Variants in PCDHA5 observed in about 807,000 individuals in gnomAD.
PCDHA5 encodes protocadherin alpha-5.
Under a neutral mutation model 61.6 loss-of-function variants are expected in PCDHA5, and 43 were observed. The ratio of observed to expected loss-of-function variants is 0.70; its 90% confidence interval spans 0.55 to 0.90. The LOEUF (loss-of-function observed/expected upper bound fraction) is 0.90, where lower values mean the gene tolerates loss of function less well. Ranked by LOEUF, PCDHA5 falls within the 40% of genes least tolerant of loss-of-function variation. The pLI is 0.00. For synonymous variants in PCDHA5, 627 were observed against 543.9 expected, an observed-to-expected ratio of 1.15 and a Z score of -2.13; for missense variants, 1,298 against 1,222.7, an observed-to-expected ratio of 1.06 and a Z score of -0.92.
intron 1 of PCDHA5, among the ~76,000 whole-genome samples, chr5:140,898,137 G>C (rs1554187832): frequency 6.6e-6 from 1 of 152,098 alleles, no homozygotes; most frequent in African/African-American, 2.4e-5. Flanking sequence ...CATTTTGTAG[G>C]TTGCCTGTTC....
chr5:140,858,273 C>G, intron 1 of PCDHA5: 1 of 1,596,972 alleles, frequency 6.3e-7, no homozygotes, highest in Non-Finnish European at 8.6e-7. Context: ...TGCTCTAGCG[C>G]GGTGGGGAGC....
intron 1 of PCDHA5, chr5:140,859,968 T>A (rs1262644180): frequency 6.6e-6 from 1 of 151,956 alleles, no homozygotes; most frequent in Non-Finnish European, 1.5e-5. Flanking sequence ...AAGTCTCAGG[T>A]ATACAAGTGC....
chr5:140,901,139 A>G (rs1186725760), intron 1 of PCDHA5, among the ~76,000 whole-genome samples: 1 of 151,726 alleles, frequency 6.6e-6, no homozygotes, highest in Non-Finnish European at 1.5e-5. Context: ...GATTGTAAAT[A>G]TTTTCTCTCA....
chr5:140,895,614 A>T (rs185386474), intron 1 of PCDHA5, among the ~76,000 whole-genome samples: 101 of 152,212 alleles, frequency 6.6e-4, no homozygotes, highest in African/African-American at 2.4e-3. Context: ...TTTCTCATTG[A>T]GGGTGTTGTC....
At position 140,847,428 on chromosome 5, in the gene PCDHA5, C is replaced by T. The variant is rs1464927725; in HGVS notation, c.2352+23301C>T. ...AAACACTCACGGTTTTGCCTTTAGA[C>T]TTGAGATACACTAAAATCTAGATTT... On this transcript the variant is annotated intron_variant, in intron 1 of 3. Coordinates refer to ENST00000529859, the MANE Select transcript of PCDHA5 (RefSeq NM_018908.3). 2.7e-5 allele frequency: 4 copies of T among 149,590 alleles called. 2 individuals are homozygous for T. Among genetic ancestry groups the T allele is most frequent in the Non-Finnish European group, 6.0e-5 (4 of 66,914 alleles). The allele number at this position is 149,590 out of a possible 1,614,324, so 9.3% of individuals were successfully genotyped here.
intron 1 of PCDHA5, among the ~76,000 whole-genome samples, chr5:140,941,214 CCTTTCTTTCTTTCTTT>C (rs60032403): frequency 8.2e-6 from 1 of 122,414 alleles, no homozygotes; most frequent in East Asian, 2.3e-4. Context: ...TTTCTTTCTT[CCTTTCTTTCTTTCTTT>C]CTTTCTTTCT....
intron 1 of PCDHA5, chr5:140,969,414 G>C: frequency 6.4e-7 from 1 of 1,566,012 alleles, no homozygotes; most frequent in Non-Finnish European, 8.7e-7. Context: ...GCTTTATTGA[G>C]TCATTAACAG....
intron 1 of PCDHA5, among the ~76,000 whole-genome samples, chr5:140,918,743 A>T (rs1346660934): frequency 6.6e-6 from 1 of 152,196 alleles, no homozygotes; most frequent in Non-Finnish European, 1.5e-5. Flanking sequence ...CCCTTATAAA[A>T]GAGGCCCAGA....
Position 140,885,215 on chromosome 5 carries a change from A to T in PCDHA5, c.2352+61088A>T, listed in dbSNP as rs564445744. Among the ~76,000 whole-genome samples the T allele has an allele frequency of 2.8e-3, 423 of 152,102 alleles. 2 individuals carry two copies. The highest frequency in any genetic ancestry group is 0.014 in the Middle Eastern group (4 of 294). On this transcript the variant is annotated intron_variant, in intron 1 of 3. Transcript: ENST00000529859. ...CCCTCTCATATATCCCATGAAAAAT[A>T]TCTTGTGATTCTGCTTTCAATTTTT... is the stretch of plus-strand genomic sequence containing the variant.
chr5:140,840,958 C>A (rs1776953520), intron 1 of PCDHA5, among the ~76,000 whole-genome samples: 1 of 152,042 alleles, frequency 6.6e-6, no homozygotes, highest in Admixed American at 6.5e-5. Context: ...GAAGAAATTC[C>A]TTTCCTTATG....
At chr5:140,851,790 T>A in intron 1 of PCDHA5, 1 of 955,904 alleles carries the variant, frequency 1.0e-6, no homozygotes, top group Non-Finnish European at 1.3e-6. Context: ...GAGAATTCAC[T>A]TGTTCTGTCA....
At chr5:141,006,238 G>T (rs1298883912) in intron 3 of PCDHA5, among the ~76,000 whole-genome samples, 1 of 151,428 alleles carries the variant, frequency 6.6e-6, no homozygotes, top group East Asian at 1.9e-4. Flanking sequence ...TTTAGATGGA[G>T]TCTTGCTCTG....
intron 1 of PCDHA5, among the ~76,000 whole-genome samples, chr5:140,918,366 T>G (rs1203283831): frequency 2.0e-5 from 3 of 152,180 alleles, no homozygotes; most frequent in African/African-American, 7.2e-5. Flanking sequence ...CTCTGCCTAT[T>G]TGGATGCCTT....
intron 1 of PCDHA5, among the ~76,000 whole-genome samples, chr5:140,911,721 A>G (rs1442469379): frequency 6.6e-6 from 1 of 152,168 alleles, no homozygotes; most frequent in African/African-American, 2.4e-5. Context: ...GTAACTCTGT[A>G]AACAGTTCGT....
At chr5:140,953,413 C>T (rs965115726) in intron 1 of PCDHA5, among the ~76,000 whole-genome samples, 1 of 152,120 alleles carries the variant, frequency 6.6e-6, no homozygotes, top group Non-Finnish European at 1.5e-5. Context: ...GCTCCTGGCT[C>T]CTCCCCTTTG....
At position 140,895,475 on chromosome 5, in the gene PCDHA5, G is replaced by A. The variant is rs532993154; in HGVS notation, c.2352+71348G>A. Among the ~76,000 whole-genome samples the A allele has an allele frequency of 2.0e-4, 31 of 152,002 alleles. No individual in the cohort carries two copies. The South Asian group carries it at 5.0e-3, about 24-fold the overall frequency. On this transcript the variant is annotated intron_variant, in intron 1 of 3. Coordinates refer to ENST00000529859, the MANE Select transcript of PCDHA5 (RefSeq NM_018908.3). ...TATTGGTCATTTCTTTATCCTCTTC[G>A]GAGAAATACCTATTCAGAACTTTTG...
rs2150123855 is a variant in PCDHA5 at position 140,823,236 on chromosome 5, C to G, written c.1461C>G (p.Ala487=). 4,287 of 1,613,532 alleles carry G rather than the reference C, an allele frequency of 2.7e-3. 77 individuals are homozygous for G. The African/African-American group carries it at 0.049, about 19-fold the overall frequency. The change falls in exon 1 of 4, where the codon GCC becomes GCG. Residue 487 remains alanine (A), a synonymous_variant. Coordinates refer to ENST00000529859, the MANE Select transcript of PCDHA5 (RefSeq NM_018908.3). ...SARDADAQEN[A]LVSYSLVERR... ...GGGACGCGGACGCGCAGGAGAACGC[C>G]CTGGTGTCCTACTCGCTGGTGGAGC...
At chr5:140,850,903 G>T (rs781893598) in intron 1 of PCDHA5, 1 of 1,560,860 alleles carries the variant, frequency 6.4e-7, no homozygotes, top group Non-Finnish European at 8.7e-7. Context: ...GGTTTTTCTA[G>T]CATTTTATTT....
intron 1 of PCDHA5, chr5:140,870,974 G>A: frequency 1.2e-6 from 2 of 1,613,628 alleles, no homozygotes; most frequent in Middle Eastern, 1.7e-4. Flanking sequence ...TTCCGCGTGG[G>A]GCTGTACACG....
Sources: allele counts gnomAD v4.1 joint callset (sites outside exome capture counted in the v4.1 genomes callset), GRCh38; gene constraint gnomAD v4.1.1; transcripts MANE v1.5; gene names NCBI Gene and HGNC (gene_info 2026-07-23, HGNC 2026-07-21).